The following ALK variants were observed in gnomAD, a reference collection of about 807,000 sequenced individuals.
ALK encodes ALK tyrosine kinase receptor.
ALK carries 74 observed loss-of-function variants against 163.1 expected under a neutral mutation model. The observed-to-expected ratio is 0.45, with a 90% CI of 0.38 to 0.55. The LOEUF (loss-of-function observed/expected upper bound fraction) is 0.55, where lower values mean the gene tolerates loss of function less well. Among genes scored for constraint, ALK ranks in the 20% least tolerant of loss-of-function variants. ALK has a pLI of 0.00. For synonymous variants in ALK, 960 were observed against 843.2 expected, an observed-to-expected ratio of 1.14 and a Z score of -2.40; for missense variants, 2,063 against 2,105.3, an observed-to-expected ratio of 0.98 and a Z score of 0.39.
intron 5 of ALK, among the ~76,000 whole-genome samples, chr2:29,338,980 C>T (rs1464703651): frequency 1.3e-5 from 2 of 152,194 alleles, no homozygotes; most frequent in African/African-American, 2.4e-5. Flanking sequence ...TGGTGTCTCA[C>T]ACCTGTAATC....
At chr2:29,826,523 G>C (rs138318235) in intron 1 of ALK, among the ~76,000 whole-genome samples, 2 of 151,636 alleles carry the variant, frequency 1.3e-5, no homozygotes, top group African/African-American at 4.8e-5. Flanking sequence ...TCAGGGTTTA[G>C]CATTCACATA....
intron 22 of ALK, 34 bp downstream of exon 22, chr2:29,222,310 G>T: frequency 6.2e-7 from 1 of 1,601,800 alleles, no homozygotes; most frequent in East Asian, 2.2e-5. Flanking sequence ...GGGCAGAGGG[G>T]AGTTGGGGTG....
At chr2:29,220,012 G>A (rs911800607) in intron 23 of ALK, among the ~76,000 whole-genome samples, 3 of 152,176 alleles carry the variant, frequency 2.0e-5, no homozygotes, top group African/African-American at 7.2e-5. Context: ...GTAGTTACAT[G>A]GCTGTCATGA....
intron 3 of ALK, among the ~76,000 whole-genome samples, chr2:29,606,969 G>T (rs946163069): frequency 2.0e-5 from 3 of 152,222 alleles, no homozygotes; most frequent in African/African-American, 7.2e-5. Context: ...AAGTCTTGCA[G>T]CCATGCATCT....
At position 29,193,016 on chromosome 2, in the gene ALK, A is replaced by G; in HGVS notation, c.*208T>C. ...TGTATTTATCACTCATTTTTATGAT[A>G]TTTTCTTCTTTCGAAAGAATAGGAT... On this transcript the variant is annotated 3_prime_UTR_variant, in exon 29 of 29. Transcript: ENST00000389048. The G allele has an allele frequency of 1.7e-6, 1 of 597,940 alleles. No homozygotes were observed. The highest frequency in any genetic ancestry group is 3.0e-6 in the Non-Finnish European group (1 of 338,036). The allele number at this position is 597,940 out of a possible 1,614,324, so 37.0% of individuals were successfully genotyped here.
At chr2:29,194,031 C>T (rs1468368789) in intron 28 of ALK, 109 bp from the exon 29 acceptor site, 1 of 1,108,294 alleles carries the variant, frequency 9.0e-7, no homozygotes, top group African/African-American at 1.5e-5. Flanking sequence ...ATGAGGAAAC[C>T]AGGATTTATT....
intron 1 of ALK, among the ~76,000 whole-genome samples, chr2:29,778,011 G>A (rs1681226096): frequency 1.3e-5 from 2 of 152,190 alleles, no homozygotes; most frequent in Non-Finnish European, 2.9e-5. Flanking sequence ...CAGGTAGCAG[G>A]GGGACACCTC....
At chr2:29,798,211 C>A (rs1279336678) in intron 1 of ALK, among the ~76,000 whole-genome samples, 1 of 152,160 alleles carries the variant, frequency 6.6e-6, no homozygotes, top group African/African-American at 2.4e-5. Flanking sequence ...ACTTATGTGG[C>A]CAAAGCCTCT....
chr2:29,193,398 A>G lies in ALK; in HGVS notation c.4689T>C (p.Thr1563=), dbSNP rs571671456. ...ACAGAGGTACCTCCTTCATATTGGC[A>G]GTCAGCGAAGAGGGCTCTAGGAGCA... The part of the protein sequence containing the change: ...ASLLLEPSSL[T]ANMKEVPLFR... The change falls in exon 29 of 29, where the codon ACT becomes ACC. Residue 1563 remains threonine, a synonymous_variant. Transcript: ENST00000389048. The G allele has an allele frequency of 1.2e-6, 2 of 1,614,236 alleles. No individual in the cohort carries two copies. Among genetic ancestry groups the G allele is most frequent in the Admixed American group, 1.7e-5 (1 of 60,030 alleles).
chr2:29,874,685 C>G (rs1335210125), intron 1 of ALK, among the ~76,000 whole-genome samples: 1 of 152,160 alleles, frequency 6.6e-6, no homozygotes, highest in East Asian at 1.9e-4. Context: ...AAATCATTTT[C>G]AGAAAATCCC....
intron 1 of ALK, among the ~76,000 whole-genome samples, chr2:29,889,124 A>T (rs1334311484): frequency 6.6e-6 from 1 of 152,212 alleles, no homozygotes; most frequent in African/African-American, 2.4e-5. Context: ...GATTTATATT[A>T]AGCTTTCTTC....
rs1445997902 is a variant in ALK at position 29,684,090 on chromosome 2, C to T, written c.952+10760G>A. Among the ~76,000 whole-genome samples the T allele has an allele frequency of 2.6e-5, 4 of 152,230 alleles. No individual in the cohort carries two copies. In the East Asian group the frequency reaches 7.7e-4, roughly 29 times the overall value. ...AAGAATTTTATTTTATTCTTTCTTG[C>T]AAGGTCCCGGCTTTCTTTCAAATCC... On this transcript the variant is annotated intron_variant, in intron 3 of 28. Coordinates refer to ENST00000389048, the MANE Select transcript of ALK (RefSeq NM_004304.5).
intron 9 of ALK, among the ~76,000 whole-genome samples, chr2:29,283,116 G>A (rs1166934557): frequency 6.6e-6 from 1 of 152,238 alleles, no homozygotes. Flanking sequence ...AAGTGCCCTA[G>A]GGAAGGATTC....
chr2:29,405,347 A>G (rs758993590), intron 4 of ALK, among the ~76,000 whole-genome samples: 8 of 152,154 alleles, frequency 5.3e-5, no homozygotes, highest in Non-Finnish European at 1.0e-4. Context: ...AACCTACAAT[A>G]TGCCTTTGGT....
chr2:29,515,372 C>A (rs1292780476), intron 4 of ALK, among the ~76,000 whole-genome samples: 1 of 152,178 alleles, frequency 6.6e-6, no homozygotes, highest in Non-Finnish European at 1.5e-5. Context: ...AGGATAGTGA[C>A]TGTTTCTGCT....
At chr2:29,664,332 A>C (rs1677441785) in intron 3 of ALK, among the ~76,000 whole-genome samples, 1 of 152,164 alleles carries the variant, frequency 6.6e-6, no homozygotes, top group African/African-American at 2.4e-5. Context: ...GACGTTACTA[A>C]ATACCCAGTT....
chr2:29,679,616 C>A (rs1678000810), intron 3 of ALK, among the ~76,000 whole-genome samples: 1 of 151,762 alleles, frequency 6.6e-6, no homozygotes, highest in Admixed American at 6.6e-5. Flanking sequence ...TTCTACTCTC[C>A]ATTTTTGTGC....
intron 3 of ALK, among the ~76,000 whole-genome samples, chr2:29,670,237 G>T (rs570823021): frequency 1.3e-5 from 2 of 151,970 alleles, no homozygotes; most frequent in Non-Finnish European, 2.9e-5. Context: ...TTATTTGTCT[G>T]GGAAGGACTA....
intron 1 of ALK, among the ~76,000 whole-genome samples, chr2:29,796,298 A>G (rs1166140180): frequency 6.6e-6 from 1 of 152,148 alleles, no homozygotes; most frequent in African/African-American, 2.4e-5. Flanking sequence ...AAAACTTACG[A>G]AAAATACAGC....
Sources: allele counts gnomAD v4.1 joint callset (sites outside exome capture counted in the v4.1 genomes callset), GRCh38; gene constraint gnomAD v4.1.1; transcripts MANE v1.5; gene names NCBI Gene and HGNC (gene_info 2026-07-23, HGNC 2026-07-21).